Variants in MARCHF1 observed in about 807,000 individuals in gnomAD.
MARCHF1 encodes E3 ubiquitin-protein ligase MARCHF1.
MARCHF1 carries 40 observed loss-of-function variants against 54.2 expected under a neutral mutation model. The ratio of observed to expected loss-of-function variants is 0.74; its 90% CI spans 0.57 to 0.96. The LOEUF is 0.96. MARCHF1 is among the 40% of genes least tolerant of loss of function. The pLI is 0.00. For synonymous variants in MARCHF1, 236 were observed against 236.3 expected (o/e 1.00, Z 0.01); for missense variants, 586 against 656.5 (o/e 0.89, Z 1.17).
chr4:163,547,215 G>A lies in MARCHF1; in HGVS notation c.1192-1472C>T, dbSNP rs73866788. ...TCATGTACTCTCTCTGGGCCTCACT[G>A]CCTCGTCTTCATGAGGAGCAGATTT... On this transcript the variant is annotated intron_variant, in intron 8 of 9. Coordinates refer to ENST00000514618, the MANE Select transcript of MARCHF1 (RefSeq NM_001394959.1). Among the ~76,000 whole-genome samples, 1,086 of 152,300 alleles carry A rather than the reference G, an allele frequency of 7.1e-3. 14 individuals carry two copies. Among genetic ancestry groups the A allele is most frequent in the African/African-American group, 0.023 (967 of 41,566 alleles).
intron 3 of MARCHF1, among the ~76,000 whole-genome samples, chr4:163,906,574 G>A (rs1357695755): frequency 6.6e-6 from 1 of 151,692 alleles, no homozygotes; most frequent in African/African-American, 2.4e-5. Flanking sequence ...CACCCATGAA[G>A]CCATCACCAC....
At chr4:164,006,511 A>G (rs1753291524) in intron 2 of MARCHF1, among the ~76,000 whole-genome samples, 1 of 152,186 alleles carries the variant, frequency 6.6e-6, no homozygotes, top group African/African-American at 2.4e-5. Context: ...TCTAAGAGTT[A>G]TTGGTGTTGA....
intron 2 of MARCHF1, among the ~76,000 whole-genome samples, chr4:164,012,151 A>T (rs901990296): frequency 6.6e-6 from 1 of 152,174 alleles, no homozygotes; most frequent in Non-Finnish European, 1.5e-5. Context: ...GGACACAAGG[A>T]TCACAGTCCT....
At chr4:163,658,227 A>T (rs879500345) in intron 5 of MARCHF1, among the ~76,000 whole-genome samples, 1 of 152,106 alleles carries the variant, frequency 6.6e-6, no homozygotes, top group Non-Finnish European at 1.5e-5. Flanking sequence ...AAACAACCCC[A>T]TTAAAAAGTG....
At chr4:163,891,857 C>T (rs1750668276) in intron 3 of MARCHF1, among the ~76,000 whole-genome samples, 1 of 152,132 alleles carries the variant, frequency 6.6e-6, no homozygotes, top group South Asian at 2.1e-4. Flanking sequence ...CAATTAATAA[C>T]ATATGTGACG....
At chr4:163,762,000 T>C (rs1746839550) in intron 4 of MARCHF1, among the ~76,000 whole-genome samples, 1 of 152,174 alleles carries the variant, frequency 6.6e-6, no homozygotes, top group African/African-American at 2.4e-5. Context: ...AATAATTTAT[T>C]TTATTTAAGT....
intron 9 of MARCHF1, among the ~76,000 whole-genome samples, chr4:163,532,724 G>T (rs1738393855): frequency 6.6e-6 from 1 of 151,904 alleles, no homozygotes; most frequent in Non-Finnish European, 1.5e-5. Flanking sequence ...CAAAAGATTT[G>T]AACAGATATG....
At chr4:163,613,534 G>C (rs1274157941) in intron 5 of MARCHF1, 141 bp from the exon 6 acceptor site, 2 of 1,563,766 alleles carry the variant, frequency 1.3e-6, no homozygotes, top group South Asian at 1.2e-5. Context: ...AGAGAATATA[G>C]GAAGTTTGAG....
At chr4:163,737,160 C>CAATTGCTTCCGGAAGCAG (rs1561049710) in intron 4 of MARCHF1, among the ~76,000 whole-genome samples, 5 of 41,016 alleles carry the variant, frequency 1.2e-4, no homozygotes, top group Admixed American at 2.0e-4. Flanking sequence ...CAGCTTTTTT[C>CAATTGCTTCCGGAAGCAG]TTTCTTTTTT....
chr4:163,769,287 T>C (rs1747081545), intron 4 of MARCHF1, among the ~76,000 whole-genome samples: 1 of 152,188 alleles, frequency 6.6e-6, no homozygotes, highest in South Asian at 2.1e-4. Flanking sequence ...AGAACACTGC[T>C]CATTCATTTT....
At chr4:163,743,827 A>G (rs1442707040) in intron 4 of MARCHF1, among the ~76,000 whole-genome samples, 1 of 152,164 alleles carries the variant, frequency 6.6e-6, no homozygotes, top group Admixed American at 6.5e-5. Flanking sequence ...GAGCTAAATA[A>G]TTTGCTGAAA....
intron 5 of MARCHF1, among the ~76,000 whole-genome samples, chr4:163,640,216 G>A (rs1166899866): frequency 6.6e-6 from 1 of 152,058 alleles, no homozygotes; most frequent in Non-Finnish European, 1.5e-5. Flanking sequence ...CAATTTTAGA[G>A]TACAGCAGAA....
chr4:163,611,098 T>C (rs1741325144), intron 7 of MARCHF1, among the ~76,000 whole-genome samples: 1 of 152,100 alleles, frequency 6.6e-6, no homozygotes, highest in Non-Finnish European at 1.5e-5. Context: ...ATATCAGCTG[T>C]AAATTAATTT....
chr4:164,310,347 A>T (rs1446287075), intron 1 of MARCHF1, among the ~76,000 whole-genome samples: 2 of 152,158 alleles, frequency 1.3e-5, no homozygotes, highest in Admixed American at 1.3e-4. Context: ...AAGGGCTGAG[A>T]TTACAGGCGT....
At chr4:164,202,850 G>A (rs547914701) in intron 1 of MARCHF1, among the ~76,000 whole-genome samples, 1 of 152,276 alleles carries the variant, frequency 6.6e-6, no homozygotes, top group South Asian at 2.1e-4. Flanking sequence ...AGTAACCCCT[G>A]TAGTGGGACA....
At chr4:163,814,830 G>C (rs1579308242) in intron 4 of MARCHF1, among the ~76,000 whole-genome samples, 1 of 152,142 alleles carries the variant, frequency 6.6e-6, no homozygotes, top group East Asian at 1.9e-4. Flanking sequence ...AGGATTCTGA[G>C]ATGTTGAAAT....
At chr4:163,983,508 C>G (rs1272714010) in intron 3 of MARCHF1, among the ~76,000 whole-genome samples, 1 of 152,080 alleles carries the variant, frequency 6.6e-6, no homozygotes, top group East Asian at 1.9e-4. Flanking sequence ...TGGGCAGACA[C>G]TGTAACAAAA....
chr4:163,602,821 A>G (rs1393415371), intron 7 of MARCHF1, among the ~76,000 whole-genome samples: 1 of 152,134 alleles, frequency 6.6e-6, no homozygotes, highest in Non-Finnish European at 1.5e-5. Context: ...CAGAAAAAAT[A>G]ATAGGGAGAA....
chr4:163,840,843 A>C (rs760851710), intron 4 of MARCHF1, among the ~76,000 whole-genome samples: 1 of 152,070 alleles, frequency 6.6e-6, no homozygotes, highest in Non-Finnish European at 1.5e-5. Flanking sequence ...TTAATTAATG[A>C]TTTTGGTAAT....
Sources: allele counts gnomAD v4.1 joint callset (sites outside exome capture counted in the v4.1 genomes callset), GRCh38; gene constraint gnomAD v4.1.1; transcripts MANE v1.5; gene names NCBI Gene and HGNC (gene_info 2026-07-23, HGNC 2026-07-21).